RASSF3: variants seen among roughly 807,000 people sequenced by gnomAD.
The protein encoded by RASSF3 is ras association domain-containing protein 3.
Under a neutral mutation model 19.9 loss-of-function variants are expected in RASSF3, and 19 were observed. The observed-to-expected ratio is 0.96, with a 90% CI of 0.67 to 1.40. The LOEUF (loss-of-function observed/expected upper bound fraction) is 1.40, where lower values mean the gene tolerates loss of function less well. Ranked by LOEUF, RASSF3 falls within the 40% of genes most tolerant of loss-of-function variation. The pLI is 0.00. For missense variants in RASSF3, 306 were observed against 289.8 expected, an observed-to-expected ratio of 1.06 and a Z score of -0.41; for synonymous variants, 110 against 104.2, an observed-to-expected ratio of 1.06 and a Z score of -0.34.
At chr12:64,684,593 A>C (rs1265562881) in intron 1 of RASSF3, among the ~76,000 whole-genome samples, 194 bp from the exon 2 acceptor site, 1 of 151,770 alleles carries the variant, frequency 6.6e-6, no homozygotes, top group Non-Finnish European at 1.5e-5. Context: ...CACCATGCCC[A>C]GCTAATTTCG....
At chr12:64,593,241 ACAGAGT>A (rs1199892969) in intron 2 of RASSF3, among the ~76,000 whole-genome samples, 1 of 152,044 alleles carries the variant, frequency 6.6e-6, no homozygotes, top group Non-Finnish European at 1.5e-5. Flanking sequence ...TGTTTTGGAG[ACAGAGT>A]CTCACACTCT....
At chr12:64,511,796 A>G (rs1457156757) in intron 1 of RASSF3, among the ~76,000 whole-genome samples, 1 of 151,866 alleles carries the variant, frequency 6.6e-6, no homozygotes, top group Admixed American at 6.6e-5. Flanking sequence ...GCTCCTTTTC[A>G]TCATGACTTA....
At chr12:64,651,952 C>T (rs555091210) in intron 1 of RASSF3, among the ~76,000 whole-genome samples, 7 of 152,286 alleles carry the variant, frequency 4.6e-5, no homozygotes, top group Middle Eastern at 6.8e-3. Flanking sequence ...TGAGCCACCT[C>T]GCCCAGCTCC....
In RASSF3 at chr12:64,598,737, CT is replaced by C. The variant is rs71092988; in HGVS notation, c.294+57044del. On this transcript the variant is annotated intron_variant, in intron 2 of 5. Transcript: ENST00000637125. ...AGCTGTTGTCATGAGACACAGATTT[CT>C]TTTTTTTTTTTAAATTATACTTTAA... Among the ~76,000 whole-genome samples the C allele has an allele frequency of 2.0e-3, 299 of 146,548 alleles. 1 individual carries two copies. The highest frequency in any genetic ancestry group is 5.2e-3 in the African/African-American group (209 of 40,124).
intron 1 of RASSF3, among the ~76,000 whole-genome samples, chr12:64,539,050 A>G (rs1321498967): frequency 6.6e-6 from 1 of 152,168 alleles, no homozygotes; most frequent in Non-Finnish European, 1.5e-5. Flanking sequence ...CATCTCAATA[A>G]AAATAAAAAT....
chr12:64,611,207 C>T (rs1870349844), intron 1 of RASSF3, among the ~76,000 whole-genome samples: 1 of 152,208 alleles, frequency 6.6e-6, no homozygotes, highest in African/African-American at 2.4e-5. Flanking sequence ...GCCGGGTGAC[C>T]TGACCTCCCC....
intron 1 of RASSF3, among the ~76,000 whole-genome samples, chr12:64,637,009 C>T (rs1405688256): frequency 2.0e-5 from 3 of 152,064 alleles, no homozygotes; most frequent in Admixed American, 2.0e-4. Flanking sequence ...AGTCTTGCTT[C>T]CTCCCTACAT....
chr12:64,628,754 C>T (rs1398478758), intron 1 of RASSF3, among the ~76,000 whole-genome samples: 1 of 152,112 alleles, frequency 6.6e-6, no homozygotes, highest in East Asian at 1.9e-4. Context: ...GCCTTGGCCT[C>T]CCAAAGTGCT....
chr12:64,651,179 C>G (rs1280156591), intron 1 of RASSF3, among the ~76,000 whole-genome samples: 1 of 152,080 alleles, frequency 6.6e-6, no homozygotes, highest in Non-Finnish European at 1.5e-5. Context: ...CTGTGCCTCT[C>G]TCGTGTCCCC....
downstream of RASSF3, among the ~76,000 whole-genome samples, chr12:64,545,091 T>C (rs559817192): frequency 4.6e-5 from 7 of 152,182 alleles, no homozygotes; most frequent in African/African-American, 1.2e-4. Context: ...CTGGAGCCGA[T>C]TGGAGTTTGT....
At chr12:64,648,583 A>G (rs924694843) in intron 1 of RASSF3, among the ~76,000 whole-genome samples, 2 of 151,730 alleles carry the variant, frequency 1.3e-5, no homozygotes, top group African/African-American at 4.8e-5. Context: ...CCTGGATTCA[A>G]GCGATTATCC....
intron 2 of RASSF3, among the ~76,000 whole-genome samples, chr12:64,584,879 CTTTTTTTTTT>C (rs34522445): frequency 2.5e-5 from 2 of 80,800 alleles, no homozygotes; most frequent in Non-Finnish European, 4.4e-5. Flanking sequence ...CAGAAGGATT[CTTTTTTTTTT>C]TTTTTTTTTT....
At chr12:64,543,464 CCACCCGCCT>C (rs1868987646), downstream of RASSF3, among the ~76,000 whole-genome samples, 1 of 95,178 alleles carries the variant, frequency 1.1e-5, no homozygotes, top group Non-Finnish European at 2.2e-5. Context: ...CCCCCGCTCC[CCACCCGCCT>C]GCCCACCCCC....
At chr12:64,609,571 A>T (rs1179660809), upstream of RASSF3, 1 of 152,214 alleles carries the variant, frequency 6.6e-6, no homozygotes, top group Non-Finnish European at 1.5e-5. Context: ...AAGGTGTAAA[A>T]GACTGTTACC....
At chr12:64,597,445 TTTTA>T (rs1418902514) in intron 2 of RASSF3, among the ~76,000 whole-genome samples, 1 of 151,510 alleles carries the variant, frequency 6.6e-6, no homozygotes, top group African/African-American at 2.4e-5. Flanking sequence ...TTATTTTTTA[TTTTA>T]TTTATTTTAT....
At chr12:64,555,019 G>A (rs947393288) in intron 2 of RASSF3, among the ~76,000 whole-genome samples, 1 of 152,022 alleles carries the variant, frequency 6.6e-6, no homozygotes, top group African/African-American at 2.4e-5. Flanking sequence ...CAAGGTGGGC[G>A]GATCACCTGA....
intron 1 of RASSF3, among the ~76,000 whole-genome samples, chr12:64,636,070 T>C (rs984985596): frequency 6.6e-6 from 1 of 152,014 alleles, no homozygotes; most frequent in African/African-American, 2.4e-5. Context: ...TGAGAGTGGC[T>C]CACAATTCCA....
At chr12:64,620,711 T>C (rs1263851218) in intron 1 of RASSF3, among the ~76,000 whole-genome samples, 1 of 152,136 alleles carries the variant, frequency 6.6e-6, no homozygotes, top group African/African-American at 2.4e-5. Context: ...TGAAACCTTT[T>C]CCATTATGGA....
At chr12:64,682,023 T>C (rs1873144128) in intron 1 of RASSF3, among the ~76,000 whole-genome samples, 1 of 152,102 alleles carries the variant, frequency 6.6e-6, no homozygotes, top group Non-Finnish European at 1.5e-5. Context: ...CAAAACACTT[T>C]CTTGGAAGTA....
Sources: allele counts gnomAD v4.1 joint callset (sites outside exome capture counted in the v4.1 genomes callset), GRCh38; gene constraint gnomAD v4.1.1; transcripts MANE v1.5; gene names NCBI Gene and HGNC (gene_info 2026-07-23, HGNC 2026-07-21).